The following FUT8 variants were observed in gnomAD, a reference collection of about 807,000 sequenced individuals.
The protein encoded by FUT8 is alpha-(1,6)-fucosyltransferase.
A neutral mutation model predicts 71.3 loss-of-function variants in FUT8; 29 were observed. The ratio of observed to expected loss-of-function variants is 0.41; its 90% CI spans 0.30 to 0.55. The LOEUF is 0.55. Among genes scored for constraint, FUT8 ranks in the 20% least tolerant of loss-of-function variants. The pLI is 0.34. For synonymous variants in FUT8, 254 were observed against 239.3 expected, an observed-to-expected ratio of 1.06 and a Z score of -0.57; for missense variants, 544 against 702.1, an observed-to-expected ratio of 0.77 and a Z score of 2.55.
At chr14:65,686,859 A>G (rs80019237) in intron 7 of FUT8, among the ~76,000 whole-genome samples, 62 of 152,322 alleles carry the variant, frequency 4.1e-4, no homozygotes, top group African/African-American at 1.4e-3. Flanking sequence ...GAAAACATCT[A>G]TACTTAAGGA....
chr14:65,717,455 G>A lies in FUT8; in HGVS notation c.836-4320G>A, dbSNP rs550588562. On this transcript the variant is annotated intron_variant, in intron 7 of 10. Transcript: ENST00000673929. ...TCCTCACATCCCAGACAGGGCAGCT[G>A]GGCAGAGGCGCTCCTCACTTCCTAG... 4.6e-3 allele frequency among the ~76,000 whole-genome samples: 635 copies of A among 137,818 alleles called. 14 individuals carry two copies. The highest frequency in any genetic ancestry group is 0.014 in the African/African-American group (513 of 35,650). The allele number at this position is 137,818 out of a possible 152,430, so 90.4% of individuals were successfully genotyped here. A position where few individuals can be genotyped will look rare whatever the true frequency, so the allele number is the denominator to read the frequency against.
At chr14:65,429,898 A>G (rs2065445811) in intron 1 of FUT8, among the ~76,000 whole-genome samples, 1 of 150,284 alleles carries the variant, frequency 6.7e-6, no homozygotes. Context: ...GACTTACAAG[A>G]GACTTTAAAG....
the FUT8 span, among the ~76,000 whole-genome samples, chr14:65,403,592 G>A: frequency 6.6e-6 from 1 of 152,204 alleles, no homozygotes; most frequent in Admixed American, 6.5e-5. Context: ...TAGAGTTAGT[G>A]TTTTCCCATC....
intron 7 of FUT8, among the ~76,000 whole-genome samples, chr14:65,691,440 T>C (rs1254094393): frequency 4.1e-5 from 6 of 145,884 alleles, no homozygotes; most frequent in African/African-American, 1.1e-4. Context: ...TGAATAGGTG[T>C]TGGATTTGGT....
intron 3 of FUT8, among the ~76,000 whole-genome samples, chr14:65,602,701 A>G (rs1888371137): frequency 6.6e-6 from 1 of 151,760 alleles, no homozygotes; most frequent in African/African-American, 2.4e-5. Flanking sequence ...TGAGTTTTTG[A>G]CAATGGCCAT....
intron 7 of FUT8, among the ~76,000 whole-genome samples, chr14:65,673,431 T>C (rs909108138): frequency 8.5e-5 from 13 of 152,250 alleles, no homozygotes; most frequent in African/African-American, 3.1e-4. Context: ...GCAATTAAAA[T>C]ATGTTGTGCT....
chr14:65,705,361 T>C (rs1894504860), intron 7 of FUT8, among the ~76,000 whole-genome samples: 1 of 152,208 alleles, frequency 6.6e-6, no homozygotes, highest in South Asian at 2.1e-4. Context: ...TATAAATATT[T>C]ATGTCATCAT....
At chr14:65,547,783 G>GTA (rs1566815566) in intron 2 of FUT8, among the ~76,000 whole-genome samples, 2 of 151,906 alleles carry the variant, frequency 1.3e-5, no homozygotes, top group East Asian at 3.9e-4. Flanking sequence ...TACAGTCACT[G>GTA]TATACTCTTT....
At chr14:65,655,592 A>C (rs1891641222) in intron 6 of FUT8, among the ~76,000 whole-genome samples, 1 of 152,164 alleles carries the variant, frequency 6.6e-6, no homozygotes, top group Admixed American at 6.5e-5. Context: ...TGATCAATTT[A>C]CCAAAAAAAT....
chr14:65,467,781 A>C lies in FUT8; in HGVS notation c.-228+12063A>C, dbSNP rs566181752. 1.5e-6 allele frequency: 1 copy of C among 686,962 alleles called. No homozygotes were observed. The highest frequency in any genetic ancestry group is 1.9e-5 in the Admixed American group (1 of 53,614). 42.6% of individuals were successfully genotyped at this position (686,962 alleles called of 1,614,324 possible). On this transcript the variant is annotated intron_variant, in intron 2 of 10. Coordinates refer to ENST00000673929, the MANE Select transcript of FUT8 (RefSeq NM_001371533.1). This position sits in a 1 kb window ranked among gnomAD's most constrained non-coding sequence, Gnocchi z 4.1. ...GAGCCACCGTGCCCAGCCAGTCTAG[A>C]GGTCTTTTATTTTTTTTAACACCTG...
At chr14:65,629,918 G>A (rs1490473407) in intron 6 of FUT8, among the ~76,000 whole-genome samples, 1 of 151,972 alleles carries the variant, frequency 6.6e-6, no homozygotes, top group African/African-American at 2.4e-5. Context: ...AATGCTTATT[G>A]GAGTTTTGAG....
At chr14:65,580,867 C>T (rs1199049926) in intron 3 of FUT8, among the ~76,000 whole-genome samples, 1 of 152,042 alleles carries the variant, frequency 6.6e-6, no homozygotes, top group Non-Finnish European at 1.5e-5. Flanking sequence ...CCCCTAGACA[C>T]AGTGTGGATT....
intron 6 of FUT8, among the ~76,000 whole-genome samples, chr14:65,663,453 C>T (rs61988020): frequency 0.018 from 2,671 of 151,836 alleles, 38 homozygotes; most frequent in Non-Finnish European, 0.025. Flanking sequence ...CTTTAGTGTC[C>T]TCTGCCTTTT....
At chr14:65,536,801 A>T (rs570882769) in intron 2 of FUT8, among the ~76,000 whole-genome samples, 63 of 152,062 alleles carry the variant, frequency 4.1e-4, no homozygotes, top group Non-Finnish European at 5.9e-5. Context: ...GCCTCTCTCT[A>T]TAGGTTCAGA....
At chr14:65,512,929 A>G (rs1882459578) in intron 2 of FUT8, among the ~76,000 whole-genome samples, 1 of 151,476 alleles carries the variant, frequency 6.6e-6, no homozygotes, top group South Asian at 2.1e-4. Context: ...AAAAAAAGAA[A>G]AAGAAATTGT....
intron 7 of FUT8, among the ~76,000 whole-genome samples, chr14:65,692,997 G>A (rs1440131871): frequency 2.0e-5 from 3 of 151,952 alleles, no homozygotes; most frequent in Admixed American, 6.6e-5. Flanking sequence ...ATGGCGGCCG[G>A]GCAGAGATGC....
At chr14:65,691,659 G>A (rs1893603846) in intron 7 of FUT8, among the ~76,000 whole-genome samples, 1 of 151,806 alleles carries the variant, frequency 6.6e-6, no homozygotes, top group Non-Finnish European at 1.5e-5. Flanking sequence ...AGGGGGATTT[G>A]GCAGGGTCAT....
intron 6 of FUT8, among the ~76,000 whole-genome samples, chr14:65,631,800 C>T (rs141809554): frequency 3.9e-4 from 60 of 152,238 alleles, no homozygotes; most frequent in African/African-American, 1.4e-3. Context: ...TGCCCATCAC[C>T]TGAGCAGTAT....
At chr14:65,551,219 A>C (rs139386259) in intron 2 of FUT8, among the ~76,000 whole-genome samples, 6 of 152,320 alleles carry the variant, frequency 3.9e-5, no homozygotes, top group African/African-American at 1.4e-4. Context: ...AAGCTGCTTG[A>C]ATATGATTCT....
Sources: allele counts gnomAD v4.1 joint callset (sites outside exome capture counted in the v4.1 genomes callset), GRCh38; gene constraint gnomAD v4.1.1; non-coding constraint Gnocchi (gnomAD v3.1); transcripts MANE v1.5; gene names NCBI Gene and HGNC (gene_info 2026-07-23, HGNC 2026-07-21).